RBFOX1: variants seen among roughly 807,000 people sequenced by gnomAD.
The protein encoded by RBFOX1 is RNA binding protein fox-1 homolog 1.
A neutral mutation model predicts 57.7 loss-of-function variants in RBFOX1; 8 were observed. The observed-to-expected ratio is 0.14, with a 90% CI of 0.08 to 0.25. The LOEUF (loss-of-function observed/expected upper bound fraction) is 0.25. Ranked by LOEUF, RBFOX1 falls within the 10% of genes least tolerant of loss-of-function variation. The pLI is 1.00. For missense variants in RBFOX1, 611 were observed against 548.5 expected (o/e 1.11, Z -1.14); for synonymous variants, 326 against 222.4 (o/e 1.47, Z -4.15).
At chr16:6,267,061 C>T (rs2074599483) in intron 1 of RBFOX1, among the ~76,000 whole-genome samples, 1 of 152,128 alleles carries the variant, frequency 6.6e-6, no homozygotes, top group South Asian at 2.1e-4. Flanking sequence ...GCGGTATCCA[C>T]CTCTATGGAA....
chr16:6,549,679 G>C (rs76892929), intron 2 of RBFOX1, among the ~76,000 whole-genome samples: 1 of 152,004 alleles, frequency 6.6e-6, no homozygotes, highest in Non-Finnish European at 1.5e-5. Context: ...ATCCCTAGAC[G>C]ATAGGGCTGG....
chr16:7,348,197 C>G (rs551101262), intron 4 of RBFOX1, among the ~76,000 whole-genome samples: 2 of 152,204 alleles, frequency 1.3e-5, no homozygotes, highest in East Asian at 1.9e-4. Context: ...ATGCATATAC[C>G]ACATAGATAC....
At chr16:7,548,267 G>A (rs1229145434) in intron 5 of RBFOX1, among the ~76,000 whole-genome samples, 2 of 152,056 alleles carry the variant, frequency 1.3e-5, no homozygotes, top group Non-Finnish European at 2.9e-5. Flanking sequence ...TGACTCCTGG[G>A]TTCACGTGCC....
chr16:5,390,200 C>G (rs1430083925), intron 1 of RBFOX1, among the ~76,000 whole-genome samples: 4 of 151,234 alleles, frequency 2.6e-5, no homozygotes, highest in Non-Finnish European at 5.9e-5. Flanking sequence ...TTTTTATGCA[C>G]TACATATAGT....
intron 4 of RBFOX1, among the ~76,000 whole-genome samples, chr16:5,898,451 C>A (rs536040289): frequency 2.0e-5 from 3 of 151,848 alleles, no homozygotes; most frequent in Admixed American, 1.3e-4. Flanking sequence ...TCATCCTGGC[C>A]TAGAGAATAA....
chr16:7,466,980 C>G (rs2060638165), intron 4 of RBFOX1, among the ~76,000 whole-genome samples: 1 of 152,122 alleles, frequency 6.6e-6, no homozygotes, highest in Non-Finnish European at 1.5e-5. Flanking sequence ...GCTCCAGGGC[C>G]CTGTGTTAGG....
chr16:5,510,015 C>T (rs764095176), intron 2 of RBFOX1, among the ~76,000 whole-genome samples: 9 of 152,210 alleles, frequency 5.9e-5, no homozygotes, highest in Non-Finnish European at 8.8e-5. Context: ...AGCTCAGCCA[C>T]GCCCTACCCC....
At chr16:6,412,088 G>A (rs1259860034) in intron 2 of RBFOX1, among the ~76,000 whole-genome samples, 1 of 148,256 alleles carries the variant, frequency 6.7e-6, no homozygotes, top group Non-Finnish European at 1.5e-5. Flanking sequence ...AGCCAAGATC[G>A]TGCCATTGCA....
At chr16:6,198,883 T>G (rs2097197708) in intron 1 of RBFOX1, among the ~76,000 whole-genome samples, 2 of 152,096 alleles carry the variant, frequency 1.3e-5, no homozygotes, top group African/African-American at 2.4e-5. Flanking sequence ...AACTAAACCT[T>G]CTCTAAACAG....
intron 4 of RBFOX1, among the ~76,000 whole-genome samples, chr16:7,207,125 C>T (rs1012837930): frequency 6.6e-6 from 1 of 152,222 alleles, no homozygotes; most frequent in African/African-American, 2.4e-5. Context: ...CATCCATCTT[C>T]ATGGCATTTC....
At chr16:7,617,186 T>C (rs543276298) in intron 10 of RBFOX1, among the ~76,000 whole-genome samples, 1 of 152,266 alleles carries the variant, frequency 6.6e-6, no homozygotes, top group Admixed American at 6.5e-5. Context: ...AACTTATCAC[T>C]GTAGGCACAG....
At chr16:5,856,225 A>ATGTG (rs2057044435) in intron 3 of RBFOX1, among the ~76,000 whole-genome samples, 1 of 53,218 alleles carries the variant, frequency 1.9e-5, no homozygotes, top group African/African-American at 6.5e-5. Flanking sequence ...ATGTATATAT[A>ATGTG]TATGTATATA....
rs184391828 is a variant in RBFOX1, at chr16:7,389,825, A to G, written c.28-128322A>G. 2.2e-4 allele frequency among the ~76,000 whole-genome samples: 33 copies of G among 152,284 alleles called. No individual in the cohort carries two copies. In the East Asian group the frequency reaches 6.0e-3, roughly 28 times the overall value. On this transcript the variant is annotated intron_variant, in intron 4 of 15. Coordinates refer to ENST00000550418, the MANE Select transcript of RBFOX1 (RefSeq NM_018723.4). Reference sequence around the variant, plus strand: ...AGTATGCTTAAGGCTTGATATGCATACAATCTTTATGGCACCCTGCAAAAT... The same window carrying G: ...AGTATGCTTAAGGCTTGATATGCATGCAATCTTTATGGCACCCTGCAAAAT...
At chr16:6,896,374 G>C (rs942820357) in intron 3 of RBFOX1, among the ~76,000 whole-genome samples, 5 of 152,098 alleles carry the variant, frequency 3.3e-5, no homozygotes, top group African/African-American at 1.2e-4. Flanking sequence ...TAATATGTAT[G>C]TCTTTTTCTT....
At chr16:6,929,440 G>C (rs1313849550) in intron 3 of RBFOX1, among the ~76,000 whole-genome samples, 3 of 152,086 alleles carry the variant, frequency 2.0e-5, no homozygotes, top group Non-Finnish European at 2.9e-5. Flanking sequence ...GCAGTTCCCT[G>C]GTATATATCA....
rs554925114 is a variant in RBFOX1, at chr16:5,550,691, T to A, written c.259-48211T>A. On this transcript the variant is annotated intron_variant, in intron 2 of 2. Coordinates refer to the RBFOX1 transcript ENST00000585867. ...AGCAAATAAAGCAGACAAAGCTCCCTGTCCCTGTGGCATTTATATTCTGGA... is the reference window on the plus strand; with the variant it reads ...AGCAAATAAAGCAGACAAAGCTCCCAGTCCCTGTGGCATTTATATTCTGGA... Among the ~76,000 whole-genome samples, 6 of 152,338 alleles carry A rather than the reference T, an allele frequency of 3.9e-5. No individual in the cohort carries two copies. The East Asian group carries it at 5.8e-4, about 15-fold the overall frequency.
chr16:7,698,605 C>A (rs751498377), intron 14 of RBFOX1, among the ~76,000 whole-genome samples: 1 of 152,142 alleles, frequency 6.6e-6, no homozygotes, highest in Non-Finnish European at 1.5e-5. Flanking sequence ...ATTGGCCATT[C>A]CTCTAACTGA....
chr16:7,013,761 A>C (rs1360780331), intron 3 of RBFOX1, among the ~76,000 whole-genome samples: 1 of 151,950 alleles, frequency 6.6e-6, no homozygotes, highest in Admixed American at 6.5e-5. Flanking sequence ...AGGCTCAAGC[A>C]ATCCTCTTAT....
At chr16:7,197,440 G>GGA (rs774788106) in intron 4 of RBFOX1, among the ~76,000 whole-genome samples, 2 of 91,326 alleles carry the variant, frequency 2.2e-5, no homozygotes, top group East Asian at 3.6e-4. Context: ...CCTGTGAGTG[G>GGA]AAAAAAAAAA....
Sources: allele counts gnomAD v4.1 joint callset (sites outside exome capture counted in the v4.1 genomes callset), GRCh38; gene constraint gnomAD v4.1.1; transcripts MANE v1.5; gene names NCBI Gene and HGNC (gene_info 2026-07-23, HGNC 2026-07-21).